Variants in NCAM1 observed in about 807,000 individuals in gnomAD.
NCAM1 encodes the protein neural cell adhesion molecule 1.
In NCAM1, 14 loss-of-function variants were observed where a neutral mutation model predicts 109.8. The ratio of observed to expected loss-of-function variants is 0.13; its 90% CI spans 0.08 to 0.20. NCAM1 has a LOEUF of 0.20. Among genes scored for constraint, NCAM1 ranks in the 10% least tolerant of loss-of-function variants. The probability of loss-of-function intolerance (pLI) is 1.00; values close to 1 mark genes in which losing one functional copy is unlikely to be tolerated. For synonymous variants in NCAM1, 418 were observed against 442.9 expected, an observed-to-expected ratio of 0.94 and a Z score of 0.70; for missense variants, 774 against 1,109.9, an observed-to-expected ratio of 0.70 and a Z score of 4.30.
At chr11:113,013,426 C>CAAAA (rs34001751) in intron 1 of NCAM1, among the ~76,000 whole-genome samples, 38 of 95,808 alleles carry the variant, frequency 4.0e-4, no homozygotes, top group Non-Finnish European at 4.0e-4. Flanking sequence ...GACTCTGTCT[C>CAAAA]AAAAAAAAAA....
rs200929273 is a variant in NCAM1, at chr11:113,011,964, T to TTTCCTTCCTTCCTTCCTTCCTTCC, written c.52+50327_52+50350dup. 2.7e-3 allele frequency among the ~76,000 whole-genome samples: 310 copies of TTTCCTTCCTTCCTTCCTTCCTTCC among 114,044 alleles called. 3 individuals carry two copies. The highest frequency in any genetic ancestry group is 4.9e-3 in the African/African-American group (139 of 28,338). The allele number at this position is 114,044 out of a possible 152,430, so 74.8% of individuals were successfully genotyped here. On this transcript the variant is annotated intron_variant, in intron 1 of 19. Transcript: ENST00000316851. ...CTCCTTCTCTCCTCTCCTTCTCTCC[T>TTTCCTTCCTTCCTTCCTTCCTTCC]TTCCTTCCTTCCTTCCTTCCTTCCT...
intron 1 of NCAM1, among the ~76,000 whole-genome samples, chr11:113,119,880 G>A (rs1940883260): frequency 6.6e-6 from 1 of 152,128 alleles, no homozygotes; most frequent in Admixed American, 6.5e-5. Context: ...ACCCTGTCTG[G>A]GGTTACATTT....
At chr11:112,983,603 T>C (rs528313730) in intron 1 of NCAM1, among the ~76,000 whole-genome samples, 5 of 152,010 alleles carry the variant, frequency 3.3e-5, no homozygotes, top group African/African-American at 9.6e-5. Flanking sequence ...AATTCTGTCT[T>C]TGGCAAGATT....
In NCAM1 at chr11:113,278,185, C is replaced by G. The variant is rs1443074232; in HGVS notation, c.*2798C>G. 1 of 152,230 alleles carries G rather than the reference C, an allele frequency of 6.6e-6. No homozygotes were observed. The highest frequency in any genetic ancestry group is 2.4e-5 in the African/African-American group (1 of 41,454). The allele number at this position is 152,230 out of a possible 1,614,324, so 9.4% of individuals were successfully genotyped here. On this transcript the variant is annotated 3_prime_UTR_variant, in exon 20 of 20. Transcript: ENST00000316851. ...CTATTTTCACACTTTTCTATGGAGCCTTCCGAGTCCCAGGTTTTCACTTGA... is the reference window on the plus strand; with the variant it reads ...CTATTTTCACACTTTTCTATGGAGCGTTCCGAGTCCCAGGTTTTCACTTGA...
At chr11:113,038,224 C>T (rs1320096905) in intron 1 of NCAM1, among the ~76,000 whole-genome samples, 1 of 152,174 alleles carries the variant, frequency 6.6e-6, no homozygotes, top group Non-Finnish European at 1.5e-5. Context: ...ATCCCTAAAT[C>T]GATGTCCCAG....
At chr11:113,081,010 A>G (rs782093742) in intron 1 of NCAM1, among the ~76,000 whole-genome samples, 2 of 152,192 alleles carry the variant, frequency 1.3e-5, no homozygotes, top group Non-Finnish European at 1.5e-5. Flanking sequence ...ACTTTCTGAC[A>G]TTTATTTAGC....
intron 14 of NCAM1, chr11:113,242,814 C>T: frequency 6.2e-7 from 1 of 1,613,960 alleles, no homozygotes; most frequent in Non-Finnish European, 8.5e-7. Context: ...GCAACTTGGC[C>T]TCTTCCTGCC....
intron 1 of NCAM1, among the ~76,000 whole-genome samples, chr11:113,041,781 C>T (rs147925705): frequency 1.5e-3 from 230 of 152,262 alleles, no homozygotes; most frequent in African/African-American, 4.9e-3. Flanking sequence ...TTCCACTGCT[C>T]CTCCCATGGG....
chr11:112,988,498 T>C (rs1951369326), intron 1 of NCAM1, among the ~76,000 whole-genome samples: 1 of 152,156 alleles, frequency 6.6e-6, no homozygotes, highest in Non-Finnish European at 1.5e-5. Context: ...TCAGTTTTTA[T>C]TTGTCTGGGA....
intron 1 of NCAM1, among the ~76,000 whole-genome samples, chr11:113,116,439 G>C (rs1940712725): frequency 6.6e-6 from 1 of 152,200 alleles, no homozygotes; most frequent in South Asian, 2.1e-4. Context: ...CTAGAGAAAT[G>C]ACAGCCCAAC....
chr11:113,188,790 A>C (rs1436552150), intron 1 of NCAM1, among the ~76,000 whole-genome samples: 6 of 152,070 alleles, frequency 3.9e-5, no homozygotes, highest in Admixed American at 2.0e-4. Context: ...TTCACTGTCC[A>C]GGGAGACAGG....
intron 1 of NCAM1, among the ~76,000 whole-genome samples, chr11:112,989,593 C>G (rs887164378): frequency 6.6e-6 from 1 of 152,014 alleles, no homozygotes; most frequent in African/African-American, 2.4e-5. Context: ...ATTTTGAATT[C>G]TCTTTCAAGC....
chr11:113,097,666 C>T (rs2135825604), intron 1 of NCAM1, among the ~76,000 whole-genome samples: 1 of 146,004 alleles, frequency 6.8e-6, no homozygotes, highest in African/African-American at 2.5e-5. Flanking sequence ...TTAGAACATA[C>T]TTTAGATAAT....
chr11:113,086,687 A>C (rs1939106439), intron 1 of NCAM1, among the ~76,000 whole-genome samples: 1 of 152,170 alleles, frequency 6.6e-6, no homozygotes, highest in Admixed American at 6.5e-5. Flanking sequence ...GTTACTTTGC[A>C]CCAGTTTAAG....
At chr11:113,125,973 C>T (rs2362213) in intron 1 of NCAM1, among the ~76,000 whole-genome samples, 126,701 of 151,712 alleles carry the variant, frequency 0.84, 53,426 homozygotes, top group Middle Eastern at 0.93. Context: ...CTGGCCAACA[C>T]GCTGAAACTC....
chr11:113,103,742 A>C (rs1021967415), intron 1 of NCAM1, among the ~76,000 whole-genome samples: 3 of 152,280 alleles, frequency 2.0e-5, no homozygotes, highest in Admixed American at 2.0e-4. Context: ...TTGTCTTTGC[A>C]GGCCATATGG....
chr11:112,979,246 A>G (rs1360850247), intron 1 of NCAM1, among the ~76,000 whole-genome samples: 7 of 151,118 alleles, frequency 4.6e-5, no homozygotes, highest in African/African-American at 1.7e-4. Context: ...AACAAACAAA[A>G]AAAACCTGTA....
intron 1 of NCAM1, among the ~76,000 whole-genome samples, chr11:113,143,345 G>A (rs1941898502): frequency 6.6e-6 from 1 of 152,214 alleles, no homozygotes; most frequent in African/African-American, 2.4e-5. Flanking sequence ...CATGAAGGAT[G>A]ACTTTTCAGA....
At chr11:113,240,299 ATGAG>A (rs782816612) in intron 14 of NCAM1, among the ~76,000 whole-genome samples, 2 of 152,246 alleles carry the variant, frequency 1.3e-5, no homozygotes, top group Non-Finnish European at 2.9e-5. Flanking sequence ...AGATGTTGAA[ATGAG>A]TGAGGCATAT....
Sources: allele counts gnomAD v4.1 joint callset (sites outside exome capture counted in the v4.1 genomes callset), GRCh38; gene constraint gnomAD v4.1.1; transcripts MANE v1.5; gene names NCBI Gene and HGNC (gene_info 2026-07-23, HGNC 2026-07-21).